The following KCNH7 variants were observed in gnomAD, a reference collection of about 807,000 sequenced individuals.
KCNH7 encodes voltage-gated inwardly rectifying potassium channel KCNH7.
Under a neutral mutation model 120.8 loss-of-function variants are expected in KCNH7, and 49 were observed. That is an observed-to-expected ratio of 0.41 (90% CI 0.32 to 0.51). The LOEUF is 0.51. Among genes scored for constraint, KCNH7 ranks in the 20% least tolerant of loss-of-function variants. The pLI, the probability that KCNH7 is intolerant of heterozygous loss-of-function variation, is 0.38. For synonymous variants in KCNH7, 547 were observed against 516.1 expected (o/e 1.06, Z -0.81); for missense variants, 1,097 against 1,446.6 (o/e 0.76, Z 3.92).
At chr2:162,403,621 C>T (rs992062643) in intron 9 of KCNH7, among the ~76,000 whole-genome samples, 10 of 151,912 alleles carry the variant, frequency 6.6e-5, no homozygotes, top group African/African-American at 2.2e-4. Context: ...CAAGTTGGAG[C>T]TGCTGTTGTT....
chr2:162,811,731 T>C (rs1313136969), intron 2 of KCNH7, among the ~76,000 whole-genome samples: 3 of 152,092 alleles, frequency 2.0e-5, no homozygotes, highest in Non-Finnish European at 2.9e-5. Context: ...AATTATCCTT[T>C]GGAGGAATTG....
At chr2:162,744,055 AC>A (rs1688229151) in intron 2 of KCNH7, among the ~76,000 whole-genome samples, 6 of 152,228 alleles carry the variant, frequency 3.9e-5, no homozygotes, top group Admixed American at 2.6e-4. Flanking sequence ...GATTCGCCAT[AC>A]CCTGAAAATG....
intron 2 of KCNH7, among the ~76,000 whole-genome samples, chr2:162,789,581 A>G (rs529658628): frequency 8.3e-4 from 126 of 152,036 alleles, no homozygotes; most frequent in Non-Finnish European, 1.4e-3. Context: ...CACACATAGA[A>G]TGTTATCCAG....
At chr2:162,561,700 G>C (rs564190692) in intron 2 of KCNH7, among the ~76,000 whole-genome samples, 1 of 152,240 alleles carries the variant, frequency 6.6e-6, no homozygotes, top group East Asian at 1.9e-4. Flanking sequence ...CTTTTGAGAA[G>C]TGTCTGTTCA....
At chr2:162,389,615 T>A (rs1236360874) in intron 12 of KCNH7, among the ~76,000 whole-genome samples, 1 of 152,018 alleles carries the variant, frequency 6.6e-6, no homozygotes, top group African/African-American at 2.4e-5. Context: ...ATCAATGCTT[T>A]AGTTAAAAAA....
intron 3 of KCNH7, among the ~76,000 whole-genome samples, chr2:162,519,620 G>A (rs1368442607): frequency 6.6e-6 from 1 of 151,700 alleles, no homozygotes; most frequent in African/African-American, 2.4e-5. Flanking sequence ...TAAAAACATA[G>A]GAGAAAGTAT....
At chr2:162,641,559 A>C (rs1684157771) in intron 2 of KCNH7, among the ~76,000 whole-genome samples, 1 of 152,248 alleles carries the variant, frequency 6.6e-6, no homozygotes, top group South Asian at 2.1e-4. Flanking sequence ...TATTTAAAAA[A>C]AAAAAAAGAT....
At chr2:162,415,696 TA>T (rs1487441238) in intron 9 of KCNH7, among the ~76,000 whole-genome samples, 1 of 152,138 alleles carries the variant, frequency 6.6e-6, no homozygotes, top group Non-Finnish European at 1.5e-5. Flanking sequence ...ACAATTTTTT[TA>T]AAAAAATTTA....
intron 3 of KCNH7, among the ~76,000 whole-genome samples, chr2:162,531,795 A>C (rs557751108): frequency 6.6e-6 from 1 of 152,100 alleles, no homozygotes; most frequent in African/African-American, 2.4e-5. Context: ...CTTTAAAAGA[A>C]TATTGTACTG....
intron 2 of KCNH7, among the ~76,000 whole-genome samples, chr2:162,619,604 ATATC>A (rs941536733): frequency 3.3e-5 from 5 of 152,094 alleles, no homozygotes; most frequent in Admixed American, 2.0e-4. Flanking sequence ...GAAGAAAATT[ATATC>A]TTTCTCCCAA....
At chr2:162,802,163 A>G (rs766640405) in intron 2 of KCNH7, among the ~76,000 whole-genome samples, 1 of 151,668 alleles carries the variant, frequency 6.6e-6, no homozygotes, top group Non-Finnish European at 1.5e-5. Context: ...TGGTTCTGGA[A>G]CTAGTTTGAG....
At chr2:162,431,305 T>C (rs1688058215) in intron 8 of KCNH7, among the ~76,000 whole-genome samples, 1 of 152,004 alleles carries the variant, frequency 6.6e-6, no homozygotes, top group Admixed American at 6.6e-5. Flanking sequence ...TTAGCACATA[T>C]ACGATCTTTT....
In KCNH7 at chr2:162,371,435, T is replaced by A; in HGVS notation, c.*394A>T. The A allele has an allele frequency of 1.6e-6, 2 of 1,288,294 alleles. No homozygotes were observed. Among genetic ancestry groups the A allele is most frequent in the Non-Finnish European group, 2.0e-6 (2 of 988,520 alleles). The allele number at this position is 1,288,294 out of a possible 1,614,324, so 79.8% of individuals were successfully genotyped here. A position where few individuals can be genotyped will look rare whatever the true frequency, so the allele number is the denominator to read the frequency against. Reference sequence around the variant, plus strand: ...AGTTGAGGATCATCTGAATTTGAGTTGCATCCATGAACAGTTTTATCCCTT... The same window carrying A: ...AGTTGAGGATCATCTGAATTTGAGTAGCATCCATGAACAGTTTTATCCCTT... On this transcript the variant is annotated 3_prime_UTR_variant, in exon 16 of 16. Transcript: ENST00000332142.
At chr2:162,590,369 T>C (rs982115427) in intron 2 of KCNH7, among the ~76,000 whole-genome samples, 27 of 152,046 alleles carry the variant, frequency 1.8e-4, no homozygotes, top group African/African-American at 6.5e-4. Flanking sequence ...CTAGAGCAAG[T>C]ATTTTAAAAA....
chr2:162,758,314 G>GGAGGT (rs1388807680), intron 2 of KCNH7, among the ~76,000 whole-genome samples: 4 of 152,052 alleles, frequency 2.6e-5, no homozygotes. Context: ...AGGCTATATC[G>GGAGGT]TTATTGGAGG....
chr2:162,587,460 G>A lies in KCNH7; in HGVS notation c.308-50380C>T, dbSNP rs192519987. Reference sequence around the variant, plus strand: ...ATACAGAGTTCATGTTGCAGAAATTGCTGAGATTGTTGTTAGTATCAATTT... The same window carrying A: ...ATACAGAGTTCATGTTGCAGAAATTACTGAGATTGTTGTTAGTATCAATTT... On this transcript the variant is annotated intron_variant, in intron 2 of 15. Coordinates refer to ENST00000332142, the MANE Select transcript of KCNH7 (RefSeq NM_033272.4). Among the ~76,000 whole-genome samples the A allele has an allele frequency of 2.0e-3, 303 of 152,170 alleles. 2 individuals carry two copies. Among genetic ancestry groups the A allele is most frequent in the African/African-American group, 6.9e-3 (287 of 41,532 alleles).
chr2:162,721,598 G>C (rs1004394742), intron 2 of KCNH7, among the ~76,000 whole-genome samples: 1 of 152,032 alleles, frequency 6.6e-6, no homozygotes, highest in Non-Finnish European at 1.5e-5. Context: ...GTTATGCTTG[G>C]ATTAACCATT....
At chr2:162,505,879 T>A (rs1490303141) in intron 5 of KCNH7, among the ~76,000 whole-genome samples, 1 of 151,858 alleles carries the variant, frequency 6.6e-6, no homozygotes, top group Non-Finnish European at 1.5e-5. Flanking sequence ...ACTTAAAAAT[T>A]AGACTTTAAG....
intron 2 of KCNH7, among the ~76,000 whole-genome samples, chr2:162,834,381 A>C (rs2105624853): frequency 6.6e-6 from 1 of 152,196 alleles, no homozygotes; most frequent in African/African-American, 2.4e-5. Flanking sequence ...CCATTTTCTC[A>C]TGTTTTCCAT....
Sources: gnomAD v4.1 joint callset for allele counts (sites outside exome capture counted in the v4.1 genomes callset) on GRCh38, gnomAD v4.1.1 for gene constraint, MANE v1.5 for transcripts, NCBI Gene and HGNC (gene_info 2026-07-23, HGNC 2026-07-21) for gene names.